The following LARP4B variants were observed in gnomAD, a reference collection of about 807,000 sequenced individuals.
The protein encoded by LARP4B is La ribonucleoprotein 4B.
Under a neutral mutation model 89.8 loss-of-function variants are expected in LARP4B, and 12 were observed. That is an observed-to-expected ratio of 0.13 (90% CI 0.09 to 0.22). LARP4B has a LOEUF of 0.22. LARP4B is among the 10% of genes least tolerant of loss of function. The pLI is 1.00. For missense variants in LARP4B, 757 were observed against 947.7 expected (o/e 0.80, Z 2.64); for synonymous variants, 367 against 363.3 (o/e 1.01, Z -0.12).
intron 3 of LARP4B, among the ~76,000 whole-genome samples, chr10:883,510 C>CA (rs1409924442): frequency 2.0e-5 from 3 of 150,212 alleles, no homozygotes; most frequent in South Asian, 4.2e-4. Context: ...AACTCTGTTT[C>CA]AAAAAAATAA....
intron 7 of LARP4B, among the ~76,000 whole-genome samples, chr10:837,362 T>A (rs1833274937): frequency 1.3e-5 from 2 of 152,192 alleles, no homozygotes; most frequent in Non-Finnish European, 2.9e-5. Context: ...TGCTTGTGGG[T>A]TGTAAAACTT....
the LARP4B span, among the ~76,000 whole-genome samples, chr10:965,779 G>A: frequency 6.6e-6 from 1 of 151,578 alleles, no homozygotes; most frequent in South Asian, 2.1e-4. Flanking sequence ...CTGGGAGAGA[G>A]TTATGTCTGC....
chr10:825,239 A>G lies in LARP4B; in HGVS notation c.1310T>C (p.Ile437Thr). 6.2e-7 allele frequency: 1 copy of G among 1,614,218 alleles called. No homozygotes were observed. The highest frequency in any genetic ancestry group is 8.5e-7 in the Non-Finnish European group (1 of 1,180,030). Residue 437 changes from isoleucine (I) to threonine (T), a missense_variant, in exon 13 of 18, where the codon ATA becomes ACA. Physicochemically the swap from Ile to Thr is moderately conservative, Grantham distance 89 (BLOSUM62 -1). Coordinates refer to ENST00000316157, the MANE Select transcript of LARP4B (RefSeq NM_015155.3). ...RGPGLLESPS[I>T]FNFTADRLIN... is the part of the protein sequence containing the mutation. ...TAATCGATCTGCAGTGAAGTTAAAT[A>G]TTGAAGGACTTTCTAATAACCCAGG... is the stretch of plus-strand genomic sequence containing the variant.
At chr10:910,350 A>G (rs888747551) in intron 1 of LARP4B, among the ~76,000 whole-genome samples, 2 of 152,162 alleles carry the variant, frequency 1.3e-5, no homozygotes, top group Non-Finnish European at 2.9e-5. Flanking sequence ...ATTTTGCCTC[A>G]GCTTCTTCCT....
At chr10:986,957 T>G in the LARP4B span, 3 of 141,572 alleles carry the variant, frequency 2.1e-5, no homozygotes, top group Non-Finnish European at 4.6e-5. Context: ...AAAAAAAAAT[T>G]AAAGAAAGGA....
intron 1 of LARP4B, among the ~76,000 whole-genome samples, chr10:922,675 TTAAATAAATAAATAAA>T (rs370807617): frequency 0.023 from 3,423 of 146,284 alleles, 133 homozygotes; most frequent in African/African-American, 0.08. Context: ...ACCCCGTCTG[TTAAATAAATAAATAAA>T]TAAATAAATA....
At chr10:861,836 C>G (rs1426537689) in intron 5 of LARP4B, among the ~76,000 whole-genome samples, 1 of 152,208 alleles carries the variant, frequency 6.6e-6, no homozygotes, top group Non-Finnish European at 1.5e-5. Context: ...TAGTCTGAAA[C>G]TTAAATTGTT....
chr10:876,965 C>G (rs1206267981), intron 3 of LARP4B, among the ~76,000 whole-genome samples: 1 of 152,172 alleles, frequency 6.6e-6, no homozygotes, highest in Non-Finnish European at 1.5e-5. Context: ...CTTGTACCTT[C>G]TGGAGCCGCA....
the LARP4B span, among the ~76,000 whole-genome samples, chr10:974,452 C>T: frequency 1.2e-4 from 18 of 152,332 alleles, no homozygotes; most frequent in African/African-American, 4.1e-4. Context: ...TGGGCACCCA[C>T]GGCCTGTGTG....
chr10:889,977 A>G (rs572020084), intron 1 of LARP4B, among the ~76,000 whole-genome samples: 17 of 152,336 alleles, frequency 1.1e-4, no homozygotes, highest in African/African-American at 3.4e-4. Flanking sequence ...ACAATCCCGT[A>G]TCCTGAGGAT....
chr10:906,051 CTT>C (rs1022466691), intron 1 of LARP4B, among the ~76,000 whole-genome samples: 6 of 152,104 alleles, frequency 3.9e-5, no homozygotes, highest in African/African-American at 1.4e-4. Context: ...ATACATAAAT[CTT>C]TAGCTATTTT....
chr10:829,468 T>C lies in LARP4B; in HGVS notation c.1042A>G (p.Ser348Gly), dbSNP rs1024233557. Residue 348 changes from serine (S) to glycine (G), a missense_variant, in exon 11 of 18, where the codon AGC becomes GGC. Ser to Gly is a moderately conservative substitution (Grantham distance 56). Transcript: ENST00000316157. ...ATSFYFPPMYSPQQQFPLYSL... is the reference protein window; with the variant it reads ...ATSFYFPPMYGPQQQFPLYSL... ...TACAGGGGGAACTGCTGCTGGGGGCTGTACATGGGAGGGAAGTAGAACGAC... is the reference window on the plus strand; with the variant it reads ...TACAGGGGGAACTGCTGCTGGGGGCCGTACATGGGAGGGAAGTAGAACGAC... 3 of 1,614,018 alleles carry C rather than the reference T, an allele frequency of 1.9e-6. No individual in the cohort carries two copies. The African/African-American group carries it at 4.0e-5, about 22-fold the overall frequency.
chr10:821,829 G>A (rs145947292), intron 13 of LARP4B, among the ~76,000 whole-genome samples: 1 of 152,338 alleles, frequency 6.6e-6, no homozygotes, highest in African/African-American at 2.4e-5. Context: ...ATCTCCTACA[G>A]AAAACTTTCT....
chr10:833,512 CA>C (rs1360923828), intron 8 of LARP4B, among the ~76,000 whole-genome samples: 1 of 152,090 alleles, frequency 6.6e-6, no homozygotes, highest in African/African-American at 2.4e-5. Context: ...AAACAGAAAA[CA>C]AACAGCAAGA....
chr10:873,668 G>A (rs1835334765), intron 3 of LARP4B, among the ~76,000 whole-genome samples: 1 of 151,880 alleles, frequency 6.6e-6, no homozygotes, highest in Non-Finnish European at 1.5e-5. Flanking sequence ...GAAATAAATA[G>A]CAATTTAAAA....
intron 13 of LARP4B, among the ~76,000 whole-genome samples, chr10:824,588 C>A (rs1832522433): frequency 1.3e-5 from 2 of 152,220 alleles, no homozygotes; most frequent in Admixed American, 1.3e-4. Context: ...GGGCAGGAAG[C>A]ACAGCTAAGA....
chr10:825,645 G>A lies in LARP4B; in HGVS notation c.1232+119C>T, dbSNP rs1284467708. The A allele has an allele frequency of 5.8e-6, 4 of 683,772 alleles. No individual in the cohort carries two copies. The Admixed American group carries it at 8.0e-5, about 14-fold the overall frequency. 42.4% of individuals were successfully genotyped at this position (683,772 alleles called of 1,614,324 possible). On this transcript the variant is annotated intron_variant, in intron 12 of 17. Transcript: ENST00000316157. ...TGCTTAGTCTTTACAGAATGCAGCT[G>A]TGTGCTTCAGGTGGCTCTGTCTGCG...
chr10:845,846 A>G (rs1348164784), intron 5 of LARP4B, among the ~76,000 whole-genome samples: 6 of 152,364 alleles, frequency 3.9e-5, no homozygotes, highest in African/African-American at 1.2e-4. Flanking sequence ...ATAAATTAGC[A>G]TGGTACAATC....
chr10:935,722 C>CTTTTTTTTTT (rs10711022), upstream of LARP4B, among the ~76,000 whole-genome samples: 99 of 83,842 alleles, frequency 1.2e-3, no homozygotes, highest in Non-Finnish European at 1.2e-3. Flanking sequence ...CTTTTCTTTT[C>CTTTTTTTTTT]TTTTTTTTTT....
Sources: gnomAD v4.1 joint callset for allele counts (sites outside exome capture counted in the v4.1 genomes callset) on GRCh38, gnomAD v4.1.1 for gene constraint, MANE v1.5 for transcripts, NCBI Gene and HGNC (gene_info 2026-07-23, HGNC 2026-07-21) for gene names.